The following AIF1L variants were observed in gnomAD, a reference collection of about 807,000 sequenced individuals.
The protein encoded by AIF1L is allograft inflammatory factor 1-like.
AIF1L carries 12 observed loss-of-function variants against 20.7 expected under a neutral mutation model. The observed-to-expected ratio is 0.58, with a 90% CI of 0.37 to 0.94. AIF1L has a LOEUF of 0.94. Ranked by LOEUF, AIF1L falls within the 40% of genes least tolerant of loss-of-function variation. The pLI, the probability that AIF1L is intolerant of heterozygous loss-of-function variation, is 0.01. For missense variants in AIF1L, 173 were observed against 185.3 expected, an observed-to-expected ratio of 0.93 and a Z score of 0.39; for synonymous variants, 76 against 65.1, an observed-to-expected ratio of 1.17 and a Z score of -0.81.
At chr9:131,114,517 G>C in intron 3 of AIF1L, 60 bp from the exon 4 acceptor site, 1 of 1,591,066 alleles carries the variant, frequency 6.3e-7, no homozygotes, top group Non-Finnish European at 8.6e-7. Flanking sequence ...GGAGCCACTG[G>C]GTCCCCACAG....
intron 2 of AIF1L, among the ~76,000 whole-genome samples, chr9:131,101,138 C>T (rs987287266): frequency 3.9e-5 from 6 of 151,914 alleles, no homozygotes; most frequent in Non-Finnish European, 5.9e-5. Context: ...CCTCGTGATC[C>T]GCCCCCCTCG....
At chr9:131,096,715 T>TGCGCCGGGCGGACCGCGGGGC (rs1588176685) in intron 1 of AIF1L, 55 bp downstream of exon 1, 1 of 1,446,716 alleles carries the variant, frequency 6.9e-7, no homozygotes, top group East Asian at 2.9e-5. Flanking sequence ...GACCGCGGGG[T>TGCGCCGGGCGGACCGCGGGGC]CCACCGCGCG....
chr9:131,099,446 G>T (rs1330223184), intron 2 of AIF1L, among the ~76,000 whole-genome samples: 1 of 152,254 alleles, frequency 6.6e-6, no homozygotes, highest in Non-Finnish European at 1.5e-5. Flanking sequence ...TGGATTGTAG[G>T]CAGAATTGTG....
intron 2 of AIF1L, chr9:131,106,053 A>C: frequency 1.0e-6 from 1 of 989,156 alleles, no homozygotes; most frequent in Non-Finnish European, 1.4e-6. Flanking sequence ...TTCTGGCCTC[A>C]AGTGATCCTC....
chr9:131,097,438 G>A (rs1336927742), intron 2 of AIF1L, among the ~76,000 whole-genome samples: 1 of 151,598 alleles, frequency 6.6e-6, no homozygotes, highest in Admixed American at 6.6e-5. Context: ...ACTCTGATGG[G>A]CGTAGAGATC....
intron 3 of AIF1L, among the ~76,000 whole-genome samples, chr9:131,113,051 C>A (rs353522): frequency 0.9 from 136,742 of 152,116 alleles, 63,308 homozygotes; most frequent in East Asian, 1. Context: ...ACCCGGGAGC[C>A]TGTGTTCTCG....
chr9:131,114,080 T>G (rs564133770), intron 3 of AIF1L: 1 of 180,730 alleles, frequency 5.5e-6, no homozygotes, highest in Non-Finnish European at 1.2e-5. Flanking sequence ...CTTTGTGGGC[T>G]AGGGCAGGCC....
chr9:131,097,808 C>G (rs557421810), intron 2 of AIF1L, among the ~76,000 whole-genome samples: 2 of 152,250 alleles, frequency 1.3e-5, no homozygotes, highest in Non-Finnish European at 2.9e-5. Context: ...GGGCATTGTG[C>G]AGGCTCAGAG....
intron 3 of AIF1L, 52 bp from the exon 4 acceptor site, chr9:131,114,525 C>G: frequency 6.2e-7 from 1 of 1,605,530 alleles, no homozygotes; most frequent in Non-Finnish European, 8.5e-7. Context: ...TGGGTCCCCA[C>G]AGGGAGACGC....
rs1830585421 is a variant in AIF1L, at chr9:131,099,048, ACTCTGGGCAAGCCACTCACCT to A, written c.93+2191_93+2211del. 5.3e-5 allele frequency among the ~76,000 whole-genome samples: 8 copies of A among 152,092 alleles called. No homozygotes were observed. The South Asian group carries it at 1.7e-3, about 32-fold the overall frequency. ...AGGTACCCACAAGCACTGATCTGTGACTCTGGGCAAGCCACTCACCTCTCTGAGCCTCCTTCTCCAAAAAGA... is the reference window on the plus strand; with the variant it reads ...AGGTACCCACAAGCACTGATCTGTGACTCTGAGCCTCCTTCTCCAAAAAGA... On this transcript the variant is annotated intron_variant, in intron 2 of 5. Transcript: ENST00000247291.
In AIF1L at chr9:131,114,590, G is replaced by A. The variant is rs1024724573; in HGVS notation, c.174G>A (p.Glu58=). 1.7e-5 allele frequency: 27 copies of A among 1,614,058 alleles called. No homozygotes were observed. Among genetic ancestry groups the A allele is most frequent in the Non-Finnish European group, 2.3e-5 (27 of 1,179,988 alleles). The change falls in exon 4 of 6, where the codon GAG becomes GAA. Residue 58 remains glutamate (E), a synonymous_variant. Transcript: ENST00000247291. ...TGTGATTTCCAGAGAAGTACATGGA[G>A]TTTGACCTGAACAATGAAGGCGAGA... is the stretch of plus-strand genomic sequence containing the variant. ...KLTAFKEKYM[E]FDLNNEGEID...
chr9:131,103,060 C>T, intron 2 of AIF1L: 1 of 450,188 alleles, frequency 2.2e-6, no homozygotes, highest in South Asian at 1.6e-5. Context: ...ACAGGCACGG[C>T]AGGGGCTGCC....
rs1298684191 is a variant in AIF1L, at chr9:131,122,556, G to A, written c.*2234G>A. 2.0e-5 allele frequency: 3 copies of A among 152,032 alleles called. No homozygotes were observed. Among genetic ancestry groups the A allele is most frequent in the Non-Finnish European group, 4.4e-5 (3 of 68,010 alleles). The allele number at this position is 152,032 out of a possible 1,614,324, so 9.4% of individuals were successfully genotyped here. A position where few individuals can be genotyped will look rare whatever the true frequency, so the allele number is the denominator to read the frequency against. On this transcript the variant is annotated 3_prime_UTR_variant, in exon 6 of 6. Coordinates refer to ENST00000247291, the MANE Select transcript of AIF1L (RefSeq NM_031426.4). ...TCTGGGACAGGCTGGGACCTTTGAG[G>A]AAGATAAAGCCTTCCTTCACTACCC... is the stretch of plus-strand genomic sequence containing the variant.
chr9:131,119,616 G>A (rs1041793192), intron 5 of AIF1L, among the ~76,000 whole-genome samples: 2 of 152,056 alleles, frequency 1.3e-5, no homozygotes, highest in African/African-American at 4.8e-5. Context: ...ATTTTACAAA[G>A]GAGCTTGTTG....
At chr9:131,099,020 A>G (rs191595671) in intron 2 of AIF1L, among the ~76,000 whole-genome samples, 2 of 152,166 alleles carry the variant, frequency 1.3e-5, no homozygotes, top group East Asian at 3.9e-4. Context: ...CAGTTTAGTC[A>G]TGAGGTACCC....
chr9:131,119,239 G>A (rs539573613), intron 5 of AIF1L, among the ~76,000 whole-genome samples: 5 of 152,314 alleles, frequency 3.3e-5, no homozygotes, highest in East Asian at 3.9e-4. Flanking sequence ...CCTGGCTCAC[G>A]CCTTTAATCC....
chr9:131,106,156 G>A (rs997061541), intron 2 of AIF1L: 11 of 1,527,106 alleles, frequency 7.2e-6, no homozygotes, highest in Middle Eastern at 2.1e-4. Context: ...TGCCTCCTCC[G>A]AGCTGCCTCC....
At position 131,096,552 on chromosome 9, in the gene AIF1L, G is replaced by A; in HGVS notation, c.-78G>A. The A allele has an allele frequency of 1.4e-6, 2 of 1,461,646 alleles. No individual in the cohort carries two copies. Among genetic ancestry groups the A allele is most frequent in the South Asian group, 1.3e-5 (1 of 77,236 alleles). The allele number at this position is 1,461,646 out of a possible 1,614,324, so 90.5% of individuals were successfully genotyped here. A position where few individuals can be genotyped will look rare whatever the true frequency, so the allele number is the denominator to read the frequency against. ...GGCCACACGCAGCTAGCCGGAGCCC[G>A]GACCAGGCGCCTGTGCCTCCTCCTC... On this transcript the variant is annotated 5_prime_UTR_variant, in exon 1 of 6. Coordinates refer to ENST00000247291, the MANE Select transcript of AIF1L (RefSeq NM_031426.4).
chr9:131,118,052 T>G, intron 5 of AIF1L, 134 bp downstream of exon 5: 1 of 897,664 alleles, frequency 1.1e-6, no homozygotes, highest in South Asian at 2.0e-5. Context: ...ACAAGGTACT[T>G]ACTTCTCCTG....
Sources: gnomAD v4.1 joint callset for allele counts (sites outside exome capture counted in the v4.1 genomes callset) on GRCh38, gnomAD v4.1.1 for gene constraint, MANE v1.5 for transcripts, NCBI Gene and HGNC (gene_info 2026-07-23, HGNC 2026-07-21) for gene names.